Variants in DDX3X observed in about 807,000 individuals in gnomAD.
The protein encoded by DDX3X is ATP-dependent RNA helicase DDX3X.
DDX3X carries 4 observed loss-of-function variants against 52.7 expected under a neutral mutation model. That is an observed-to-expected ratio of 0.08 (90% CI 0.04 to 0.17). The LOEUF (loss-of-function observed/expected upper bound fraction) is 0.17, where lower values mean the gene tolerates loss of function less well. Ranked by LOEUF, DDX3X falls within the 10% of genes least tolerant of loss-of-function variation. The pLI is 1.00. For missense variants in DDX3X, 222 were observed against 548.6 expected, an observed-to-expected ratio of 0.40 and a Z score of 5.95; for synonymous variants, 192 against 178.1, an observed-to-expected ratio of 1.08 and a Z score of -0.62.
At chrX:41,355,068 G>A (rs753058086), downstream of DDX3X, among the ~76,000 whole-genome samples, 585 of 111,312 alleles carry the variant, frequency 5.3e-3, 6 homozygotes, top group Non-Finnish European at 8.1e-3. Context: ...TGATCCGCCC[G>A]CCTCGGCCTC....
intron 16 of DDX3X, 80 bp downstream of exon 16, chrX:41,347,531 A>AT: frequency 1.7e-6 from 2 of 1,170,483 alleles, no homozygotes; most frequent in African/African-American, 1.8e-5. Context: ...TAATTAAACA[A>AT]TTTAAGTTCA....
rs1009408971 is a variant in DDX3X at position 41,334,516 on chromosome X, C to T, written c.45+219C>T. 7 of 1,093,756 alleles carry T rather than the reference C, an allele frequency of 6.4e-6. No individual in the cohort carries two copies. The African/African-American group carries it at 1.3e-4, about 20-fold the overall frequency. The allele number at this position is 1,093,756 out of a possible 1,213,427, so 90.1% of individuals were successfully genotyped here. A position where few individuals can be genotyped will look rare whatever the true frequency, so the allele number is the denominator to read the frequency against. On this transcript the variant is annotated intron_variant, in intron 1 of 16. Transcript: ENST00000644876. ...CCCGCTGTATTGTCCCCGGGACGAGCACAATGGCGGCTTTTGTGTGTGCGT... is the reference window on the plus strand; with the variant it reads ...CCCGCTGTATTGTCCCCGGGACGAGTACAATGGCGGCTTTTGTGTGTGCGT...
At chrX:41,355,928 ATGTC>A (rs1415898616) in intron 5 of DDX3X, among the ~76,000 whole-genome samples, 1 of 110,563 alleles carries the variant, frequency 9.0e-6, no homozygotes, top group Non-Finnish European at 1.9e-5. Flanking sequence ...GGTAAAATAT[ATGTC>A]TGTGTCTTTT....
upstream of DDX3X, chrX:41,333,488 A>G (rs1452126700): frequency 2.0e-5 from 2 of 101,697 alleles, no homozygotes; most frequent in African/African-American, 7.5e-5. Flanking sequence ...CCCCGTCCGG[A>G]GCACTCTATA....
intron 4 of DDX3X, chrX:41,342,127 G>A (rs763660988): frequency 9.9e-5 from 17 of 171,616 alleles, no homozygotes; most frequent in Non-Finnish European, 1.7e-4. Context: ...GTATAACTAG[G>A]ACGATTGATA....
At chrX:41,343,165 AAC>A in intron 6 of DDX3X, 49 bp from the exon 7 acceptor site, 1 of 1,170,265 alleles carries the variant, frequency 8.5e-7, no homozygotes, top group African/African-American at 1.8e-5. Context: ...ATTAGTATAA[AAC>A]AGAAATAGCT....
At chrX:41,338,842 C>T (rs1454664399) in intron 2 of DDX3X, 194 bp from the exon 3 acceptor site, 1 of 156,410 alleles carries the variant, frequency 6.4e-6, no homozygotes, top group Non-Finnish European at 1.2e-5. Context: ...AAACTCCTTT[C>T]AGAGTTCTCC....
chrX:41,342,615 T>C lies in DDX3X; in HGVS notation c.405T>C (p.Asp135=). Reference sequence around the variant, plus strand: ...GGTGTGACAAATCAGATGAAGATGATTGGTCAAAACCACTCCCACCAAGTG... The same window carrying C: ...GGTGTGACAAATCAGATGAAGATGACTGGTCAAAACCACTCCCACCAAGTG... ...SRWCDKSDED[D]WSKPLPPSER... Residue 135 remains aspartate (D), a synonymous_variant, in exon 5 of 17, where the codon GAT becomes GAC. Coordinates refer to ENST00000644876, the MANE Select transcript of DDX3X (RefSeq NM_001356.5). 1 of 1,211,853 alleles carries C rather than the reference T, an allele frequency of 8.3e-7. No individual in the cohort carries two copies. The highest frequency in any genetic ancestry group is 1.1e-6 in the Non-Finnish European group (1 of 895,535).
At chrX:41,360,112 T>C (rs1405930253) in intron 5 of DDX3X, among the ~76,000 whole-genome samples, 2 of 111,230 alleles carry the variant, frequency 1.8e-5, no homozygotes, top group Non-Finnish European at 3.8e-5. Flanking sequence ...GCATGGTGGC[T>C]CATGCCTGTA....
chrX:41,334,767 G>A (rs780244310), intron 1 of DDX3X: 5 of 953,620 alleles, frequency 5.2e-6, no homozygotes, highest in Non-Finnish European at 6.7e-6. Context: ...CTGCGAGCAA[G>A]GGGTAGAACG....
At chrX:41,342,412 C>A in intron 4 of DDX3X, 83 bp from the exon 5 acceptor site, 1 of 1,075,151 alleles carries the variant, frequency 9.3e-7, no homozygotes, top group Non-Finnish European at 1.3e-6. Context: ...TAACTTAAGT[C>A]TCCAGATACA....
In DDX3X at chrX:41,345,330, G is replaced by GT; in HGVS notation, c.1170+9dup. On this transcript the variant is annotated splice_region_variant and intron_variant, in intron 11 of 16. Coordinates refer to ENST00000644876, the MANE Select transcript of DDX3X (RefSeq NM_001356.5). ...CTTTTCCTAAGGAAATACAGGTACT[G>GT]TTTGATGTTGCAAATTTTATTTATT... 1 of 1,204,992 alleles carries GT rather than the reference G, an allele frequency of 8.3e-7. No homozygotes were observed. The highest frequency in any genetic ancestry group is 3.0e-5 in the East Asian group (1 of 33,803).
At chrX:41,333,348 AT>A, upstream of DDX3X, 1 of 101,466 alleles carries the variant, frequency 9.9e-6, no homozygotes. Flanking sequence ...GCTCCCCTCC[AT>A]TTCCCCCCGA....
chrX:41,345,994 C>T, intron 12 of DDX3X: 2 of 382,532 alleles, frequency 5.2e-6, no homozygotes, highest in Non-Finnish European at 9.0e-6. Flanking sequence ...CATGATTGCA[C>T]CTGCGAATGG....
chrX:41,360,838 C>T (rs890986280), intron 5 of DDX3X, among the ~76,000 whole-genome samples: 2 of 109,563 alleles, frequency 1.8e-5, no homozygotes, highest in Non-Finnish European at 3.8e-5. Context: ...CTATATTTCC[C>T]ACTCTCCTGG....
At chrX:41,357,008 A>G (rs1649508974) in intron 5 of DDX3X, among the ~76,000 whole-genome samples, 1 of 94,380 alleles carries the variant, frequency 1.1e-5, no homozygotes, top group Non-Finnish European at 2.0e-5. Context: ...ATCTCAGCTC[A>G]CTGCAACCTG....
In DDX3X at chrX:41,343,434, T is replaced by C; in HGVS notation, c.679+83T>C. 3 of 898,855 alleles carry C rather than the reference T, an allele frequency of 3.3e-6. No homozygotes were observed. The South Asian group carries it at 8.3e-5, about 25-fold the overall frequency. The allele number at this position is 898,855 out of a possible 1,213,427, so 74.1% of individuals were successfully genotyped here. ...AAAATATTTTATTTTTTATGGGTCA[T>C]GCAGTTTTGCAGCTGCTCTGCGCTG... On this transcript the variant is annotated intron_variant, in intron 7 of 16. Transcript: ENST00000644876.
chrX:41,334,628 G>A (rs1484141840), intron 1 of DDX3X: 8 of 1,079,888 alleles, frequency 7.4e-6, no homozygotes, highest in Admixed American at 2.8e-5. Flanking sequence ...ACCTGGGGGG[G>A]TTTGCGGGAG....
At chrX:41,347,041 G>A in intron 15 of DDX3X, 29 bp downstream of exon 15, 2 of 1,167,887 alleles carry the variant, frequency 1.7e-6, no homozygotes, top group Non-Finnish European at 2.3e-6. Flanking sequence ...ATAATGAGGG[G>A]AATGGGTGTT....
Sources: allele counts gnomAD v4.1 joint callset (sites outside exome capture counted in the v4.1 genomes callset), GRCh38; gene constraint gnomAD v4.1.1; transcripts MANE v1.5; gene names NCBI Gene and HGNC (gene_info 2026-07-23, HGNC 2026-07-21).